Variants in BTN2A2 observed in about 807,000 individuals in gnomAD.
BTN2A2 encodes the protein butyrophilin subfamily 2 member A2.
BTN2A2 carries 29 observed loss-of-function variants against 34.7 expected under a neutral mutation model. The ratio of observed to expected loss-of-function variants is 0.84; its 90% CI spans 0.62 to 1.14. The LOEUF (loss-of-function observed/expected upper bound fraction) is 1.14. Among genes scored for constraint, BTN2A2 ranks in the 50% most tolerant of loss-of-function variants. BTN2A2 has a pLI of 0.00. For missense variants in BTN2A2, 612 were observed against 651.5 expected, an observed-to-expected ratio of 0.94 and a Z score of 0.66; for synonymous variants, 240 against 253.1, an observed-to-expected ratio of 0.95 and a Z score of 0.49.
chr6:26,385,510 C>A (rs962898792), intron 3 of BTN2A2, 148 bp downstream of exon 3: 1 of 732,366 alleles, frequency 1.4e-6, no homozygotes, highest in Admixed American at 2.9e-5. Flanking sequence ...TGCACAAAGG[C>A]CACATGAGTG....
Position 26,393,327 on chromosome 6 carries a change from G to A in BTN2A2, c.*360G>A. 8.2e-7 allele frequency: 1 copy of A among 1,226,156 alleles called. No homozygotes were observed. The allele number at this position is 1,226,156 out of a possible 1,614,324, so 76.0% of individuals were successfully genotyped here. ...ATGCCAGTTGGCACCAGATGCTGTG[G>A]ACTTGGAATGAGGCCAACAGGGTTC... On this transcript the variant is annotated 3_prime_UTR_variant, in exon 8 of 8. Coordinates refer to ENST00000356709, the MANE Select transcript of BTN2A2 (RefSeq NM_006995.5).
intron 3 of BTN2A2, among the ~76,000 whole-genome samples, chr6:26,387,061 C>A (rs954782729): frequency 1.3e-5 from 2 of 152,218 alleles, no homozygotes; most frequent in African/African-American, 4.8e-5. Flanking sequence ...CATGCTTTTG[C>A]AGCTCTCTCA....
In BTN2A2 at chr6:26,393,378, T is replaced by C. The variant is rs1279295248; in HGVS notation, c.*411T>C. Reference sequence around the variant, plus strand: ...ACCAGGATGAGAGAGGAGAGAGGAATCCACAGGACCACCAGAAGGGAGAGG... The same window carrying C: ...ACCAGGATGAGAGAGGAGAGAGGAACCCACAGGACCACCAGAAGGGAGAGG... On this transcript the variant is annotated 3_prime_UTR_variant, in exon 8 of 8. Transcript: ENST00000356709. The C allele has an allele frequency of 2.6e-6, 3 of 1,147,660 alleles. No individual in the cohort carries two copies. The highest frequency in any genetic ancestry group is 3.2e-6 in the Non-Finnish European group (3 of 924,968). 71.1% of individuals were successfully genotyped at this position (1,147,660 alleles called of 1,614,324 possible). A position where few individuals can be genotyped will look rare whatever the true frequency, so the allele number is the denominator to read the frequency against.
At chr6:26,390,477 C>T (rs1761505273) in intron 5 of BTN2A2, 9 of 725,374 alleles carry the variant, frequency 1.2e-5, no homozygotes, top group East Asian at 2.7e-5. Context: ...CATGGCTGAA[C>T]GAAAGTTCAG....
chr6:26,387,890 AT>A, intron 3 of BTN2A2, 122 bp from the exon 4 acceptor site: 1 of 991,348 alleles, frequency 1.0e-6, no homozygotes, highest in Non-Finnish European at 1.5e-6. Context: ...CTCACAATTT[AT>A]TTTGCATATT....
At position 26,384,112 on chromosome 6, in the gene BTN2A2, T is replaced by A. The variant is rs1300559730; in HGVS notation, c.94+197T>A. Reference sequence around the variant, plus strand: ...GGTCAAGTGCATATACAAGTGCAAATCTTCAAAAAGATTTTTTTAACTTTT... The same window carrying A: ...GGTCAAGTGCATATACAAGTGCAAAACTTCAAAAAGATTTTTTTAACTTTT... On this transcript the variant is annotated intron_variant, in intron 2 of 7. Coordinates refer to ENST00000356709, the MANE Select transcript of BTN2A2 (RefSeq NM_006995.5). The surrounding 1 kb of genome is among the most constrained non-coding windows in gnomAD (Gnocchi z 4.0). Among the ~76,000 whole-genome samples the A allele has an allele frequency of 6.6e-6, 1 of 152,180 alleles. No individual in the cohort carries two copies.
In BTN2A2 at chr6:26,393,357, G is replaced by A; in HGVS notation, c.*390G>A. 8.5e-7 allele frequency: 1 copy of A among 1,176,518 alleles called. No homozygotes were observed. The highest frequency in any genetic ancestry group is 1.8e-5 in the South Asian group (1 of 54,740). 72.9% of individuals were successfully genotyped at this position (1,176,518 alleles called of 1,614,324 possible). A position where few individuals can be genotyped will look rare whatever the true frequency, so the allele number is the denominator to read the frequency against. On this transcript the variant is annotated 3_prime_UTR_variant, in exon 8 of 8. Coordinates refer to ENST00000356709, the MANE Select transcript of BTN2A2 (RefSeq NM_006995.5). ...GGAATGAGGCCAACAGGGTTCACCA[G>A]GATGAGAGAGGAGAGAGGAATCCAC... is the stretch of plus-strand genomic sequence containing the variant.
intron 4 of BTN2A2, 125 bp downstream of exon 4, chr6:26,388,419 G>A: frequency 2.6e-6 from 3 of 1,161,152 alleles, no homozygotes; most frequent in Non-Finnish European, 3.7e-6. Context: ...GGAGCTGGAG[G>A]CTGCAGCTGA....
intron 3 of BTN2A2, among the ~76,000 whole-genome samples, chr6:26,386,355 G>A (rs1761202918): frequency 7.2e-6 from 1 of 138,970 alleles, no homozygotes; most frequent in African/African-American, 3.2e-5. Flanking sequence ...TATATTTCAG[G>A]ACTGAAAAAA....
rs1561822985 is a variant in BTN2A2, at chr6:26,384,182, G to A, written c.94+267G>A. Among the ~76,000 whole-genome samples the A allele has an allele frequency of 6.6e-6, 1 of 152,062 alleles. No individual in the cohort carries two copies. Among genetic ancestry groups the A allele is most frequent in the African/African-American group, 2.4e-5 (1 of 41,398 alleles). On this transcript the variant is annotated intron_variant, in intron 2 of 7. Coordinates refer to ENST00000356709, the MANE Select transcript of BTN2A2 (RefSeq NM_006995.5). The surrounding 1 kb of genome is among the most constrained non-coding windows in gnomAD (Gnocchi z 4.0). ...TTAAGAGAGAGTATATTGCTCTGTT[G>A]CCAGGCCGGAATGAAGCAGATGGAG...
At position 26,392,530 on chromosome 6, in the gene BTN2A2, T is replaced by G; in HGVS notation, c.1135T>G (p.Ser379Ala). Residue 379 changes from serine (S) to alanine (A), a missense_variant, in exon 8 of 8, where the codon TCA (serine) becomes GCA (alanine). Physicochemically the swap from Ser to Ala is moderately conservative, Grantham distance 99. Coordinates refer to ENST00000356709, the MANE Select transcript of BTN2A2 (RefSeq NM_006995.5). ...TGTCCTGGGATGGGAGAGCTTCGCC[T>G]CAGGGAAACATTACTGGGAGGTGGA... ...PCVLGWESFASGKHYWEVEVE... is the reference protein window; with the variant it reads ...PCVLGWESFAAGKHYWEVEVE... 1 of 1,614,172 alleles carries G rather than the reference T, an allele frequency of 6.2e-7. No homozygotes were observed. Among genetic ancestry groups the G allele is most frequent in the Non-Finnish European group, 8.5e-7 (1 of 1,180,026 alleles).
In BTN2A2 at chr6:26,384,054, G is replaced by C. The variant is rs1346499874; in HGVS notation, c.94+139G>C. ...GAACATGTTCACTGAATTTATACCA[G>C]CACTGTCCAAAAGAAACACAGTGAA... On this transcript the variant is annotated intron_variant, in intron 2 of 7. Transcript: ENST00000356709. The surrounding 1 kb of genome is among the most constrained non-coding windows in gnomAD (Gnocchi z 4.0). 9.8e-7 allele frequency: 1 copy of C among 1,019,482 alleles called. No homozygotes were observed. The highest frequency in any genetic ancestry group is 1.5e-6 in the Non-Finnish European group (1 of 671,528). The allele number at this position is 1,019,482 out of a possible 1,614,324, so 63.2% of individuals were successfully genotyped here. A position where few individuals can be genotyped will look rare whatever the true frequency, so the allele number is the denominator to read the frequency against.
intron 3 of BTN2A2, 85 bp from the exon 4 acceptor site, chr6:26,387,928 G>A: frequency 7.1e-7 from 1 of 1,415,930 alleles, no homozygotes. Context: ...CCAAAACCAA[G>A]GGTCTTTCTA....
At chr6:26,385,617 C>T in intron 3 of BTN2A2, 1 of 385,772 alleles carries the variant, frequency 2.6e-6, no homozygotes, top group Non-Finnish European at 4.7e-6. Flanking sequence ...GTGGTGCGAT[C>T]TTGGCTCACT....
rs779279221 is a variant in BTN2A2, at chr6:26,392,901, C to A, written c.1506C>A (p.Ala502=). Residue 502 remains alanine (A), a synonymous_variant, in exon 8 of 8, where the codon GCC becomes GCA. Coordinates refer to ENST00000356709, the MANE Select transcript of BTN2A2 (RefSeq NM_006995.5). The stretch of plus-strand genomic sequence containing the variant: ...TCATCTGCCCTGCACTCACAGGAGC[C>A]AGTGGGGTCATGGTGCCTGAAGAGG... The part of the protein sequence containing the change: ...PIFICPALTG[A]SGVMVPEEGL... The A allele has an allele frequency of 1.2e-6, 2 of 1,614,204 alleles. No homozygotes were observed. Among genetic ancestry groups the A allele is most frequent in the South Asian group, 1.1e-5 (1 of 91,090 alleles).
At chr6:26,386,828 G>A (rs986628206) in intron 3 of BTN2A2, among the ~76,000 whole-genome samples, 1 of 152,210 alleles carries the variant, frequency 6.6e-6, no homozygotes, top group Admixed American at 6.5e-5. Flanking sequence ...TTTCCAATTT[G>A]CTGAGGTATT....
chr6:26,388,030 C>G lies in BTN2A2; in HGVS notation c.460C>G (p.Leu154Val). 1.2e-6 allele frequency: 2 copies of G among 1,613,698 alleles called. No individual in the cohort carries two copies. The highest frequency in any genetic ancestry group is 1.1e-5 in the South Asian group (1 of 91,056). ...LVVAGLGSKP[L>V]IEIKAQEDGS... ...CTTTCCAGGCCTTGGGTCTAAGCCC[C>G]TCATTGAAATCAAGGCCCAAGAGGA... Residue 154 changes from leucine to valine, a missense_variant, in exon 4 of 8, where the codon CTC becomes GTC. Coordinates refer to ENST00000356709, the MANE Select transcript of BTN2A2 (RefSeq NM_006995.5).
At position 26,392,582 on chromosome 6, in the gene BTN2A2, TG is replaced by T; in HGVS notation, c.1192del (p.Val398SerfsTer14). The T allele has an allele frequency of 6.2e-7, 1 of 1,614,028 alleles. No homozygotes were observed. The highest frequency in any genetic ancestry group is 8.5e-7 in the Non-Finnish European group (1 of 1,179,976). ...GTGGAAAACGTGATGGTGTGGACTG[TG>T]GGGGTCTGCAGACACAGTGTTGAGA... ...VEVENVMVWT[V>X]GVCRHSVERK... On this transcript the variant is annotated frameshift_variant, in exon 8 of 8. Transcript: ENST00000356709. LOFTEE classifies it low-confidence loss of function (END_TRUNC).
rs1250380422 is a variant in BTN2A2 at position 26,384,206 on chromosome 6, A to C, written c.94+291A>C. Among the ~76,000 whole-genome samples the C allele has an allele frequency of 6.6e-6, 1 of 152,238 alleles. No individual in the cohort carries two copies. The highest frequency in any genetic ancestry group is 1.5e-5 in the Non-Finnish European group (1 of 68,048). ...TGCCAGGCCGGAATGAAGCAGATGG[A>C]GAATGAGATCATAACTCACTGTAAC... On this transcript the variant is annotated intron_variant, in intron 2 of 7. Transcript: ENST00000356709. The surrounding 1 kb of genome is among the most constrained non-coding windows in gnomAD (Gnocchi z 4.0).
Sources: allele counts gnomAD v4.1 joint callset (sites outside exome capture counted in the v4.1 genomes callset), GRCh38; gene constraint gnomAD v4.1.1; non-coding constraint Gnocchi (gnomAD v3.1); transcripts MANE v1.5; gene names NCBI Gene and HGNC (gene_info 2026-07-23, HGNC 2026-07-21).